Variants in TBC1D14 observed in about 807,000 individuals in gnomAD.
TBC1D14 encodes the protein TBC1 domain family, member 14.
TBC1D14 carries 26 observed loss-of-function variants against 79.0 expected under a neutral mutation model. The ratio of observed to expected loss-of-function variants is 0.33; its 90% CI spans 0.24 to 0.46. The LOEUF (loss-of-function observed/expected upper bound fraction) is 0.46, where lower values mean the gene tolerates loss of function less well. Ranked by LOEUF, TBC1D14 falls within the 20% of genes least tolerant of loss-of-function variation. The pLI is 1.00. For missense variants in TBC1D14, 769 were observed against 887.6 expected (o/e 0.87, Z 1.70); for synonymous variants, 394 against 349.9 (o/e 1.13, Z -1.40).
At chr4:6,988,663 C>T (rs1418721331) in intron 3 of TBC1D14, among the ~76,000 whole-genome samples, 1 of 152,126 alleles carries the variant, frequency 6.6e-6, no homozygotes. Context: ...ACAGCGGGGT[C>T]GGAGATTTAA....
At chr4:7,028,117 G>A (rs1034591134) in intron 13 of TBC1D14, among the ~76,000 whole-genome samples, 4 of 142,806 alleles carry the variant, frequency 2.8e-5, no homozygotes, top group Admixed American at 1.4e-4. Flanking sequence ...CCACACACAC[G>A]TCACCCCACA....
intron 2 of TBC1D14, among the ~76,000 whole-genome samples, chr4:6,926,774 A>G (rs1037908276): frequency 6.6e-6 from 1 of 152,196 alleles, no homozygotes; most frequent in Non-Finnish European, 1.5e-5. Flanking sequence ...ATGTTCATCA[A>G]TTCAGCCCAG....
chr4:6,967,322 A>T lies in TBC1D14; in HGVS notation c.741A>T (p.Lys247Asn). 1 of 1,613,956 alleles carries T rather than the reference A, an allele frequency of 6.2e-7. No homozygotes were observed. Among genetic ancestry groups the T allele is most frequent in the Non-Finnish European group, 8.5e-7 (1 of 1,179,990 alleles). ...NFFARNLLAR[K>N]QSARLDKHND... ...CCTATAGGAACTTGCTTGCTAGAAA[A>T]CAAAGTGCAAGGCTTGACAAACACA... is the stretch of plus-strand genomic sequence containing the variant. The change falls in exon 3 of 14, where the codon AAA becomes AAT. Residue 247 changes from lysine to asparagine, a missense_variant. Lys to Asn is a moderately conservative substitution (Grantham distance 94). Around this residue, in one of 2 missense-constraint regions of TBC1D14, gnomAD observed 402 missense variants for 393.2 expected, o/e 1.02. Coordinates refer to ENST00000409757, the MANE Select transcript of TBC1D14 (RefSeq NM_020773.3).
At chr4:6,980,075 C>G (rs1196413534) in intron 3 of TBC1D14, among the ~76,000 whole-genome samples, 2 of 152,190 alleles carry the variant, frequency 1.3e-5, no homozygotes, top group Admixed American at 1.3e-4. Flanking sequence ...TTATAGAACA[C>G]AGCACCCTCC....
chr4:6,975,961 C>T (rs534828500), intron 3 of TBC1D14, among the ~76,000 whole-genome samples: 3 of 152,152 alleles, frequency 2.0e-5, no homozygotes, highest in Non-Finnish European at 4.4e-5. Context: ...GGTGTGGTGG[C>T]AGGTGCCTGT....
intron 3 of TBC1D14, among the ~76,000 whole-genome samples, chr4:6,985,705 T>A (rs1717757858): frequency 1.0e-4 from 1 of 9,790 alleles, no homozygotes; most frequent in Non-Finnish European, 2.6e-3. Context: ...AGGGACAGTG[T>A]CCTAGATAAT....
chr4:6,973,979 A>G (rs963855012), intron 3 of TBC1D14, among the ~76,000 whole-genome samples: 1 of 151,272 alleles, frequency 6.6e-6, no homozygotes. Flanking sequence ...GTGCACCACC[A>G]CCCCCGGCTC....
intron 2 of TBC1D14, among the ~76,000 whole-genome samples, chr4:6,936,156 T>C (rs1712303159): frequency 6.6e-6 from 1 of 152,162 alleles, no homozygotes; most frequent in Non-Finnish European, 1.5e-5. Context: ...GGCTGACACA[T>C]CATTATCACC....
chr4:6,954,209 C>T (rs995901439), intron 2 of TBC1D14: 1 of 704,658 alleles, frequency 1.4e-6, no homozygotes, highest in Non-Finnish European at 2.6e-6. Context: ...GGAGTTTCCC[C>T]GGGACTGTGG....
At chr4:6,981,313 C>G (rs67702333) in intron 3 of TBC1D14, among the ~76,000 whole-genome samples, 17,502 of 152,196 alleles carry the variant, frequency 0.11, 1,531 homozygotes, top group African/African-American at 0.24. Context: ...GTGTGAGGTA[C>G]TGCACCAGCC....
chr4:6,989,251 C>T (rs1393729730), intron 3 of TBC1D14, among the ~76,000 whole-genome samples: 1 of 152,138 alleles, frequency 6.6e-6, no homozygotes, highest in African/African-American at 2.4e-5. Flanking sequence ...GCTCCCCATA[C>T]CTCATAGTCT....
At chr4:6,956,435 G>C (rs1373210599) in intron 2 of TBC1D14, among the ~76,000 whole-genome samples, 1 of 152,244 alleles carries the variant, frequency 6.6e-6, no homozygotes, top group East Asian at 1.9e-4. Flanking sequence ...ACACGGCGTA[G>C]ACAGAAAACA....
In TBC1D14 at chr4:6,923,447, G is replaced by C. The variant is rs1047692478; in HGVS notation, c.58G>C (p.Asp20His). The C allele has an allele frequency of 6.2e-7, 1 of 1,613,996 alleles. No homozygotes were observed. Among genetic ancestry groups the C allele is most frequent in the African/African-American group, 1.3e-5 (1 of 74,916 alleles). ...TNGVAFMGIL[D>H]GRPGNPLQNL... The stretch of plus-strand genomic sequence containing the variant: ...TGGCGTAGCCTTCATGGGTATTCTG[G>C]ATGGTCGACCAGGAAACCCCCTTCA... Residue 20 changes from aspartate to histidine, a missense_variant, in exon 2 of 14, where the codon GAT becomes CAT. By Grantham distance (81) the Asp-to-His change is moderately conservative. Transcript: ENST00000409757.
chr4:7,021,015 T>G lies in TBC1D14; in HGVS notation c.1758-3989T>G, dbSNP rs534935775. The stretch of plus-strand genomic sequence containing the variant: ...GTTGTGTGCAGCCCGGGGCCCTGAT[T>G]AGTAGACAGGGCAGAGGCCAGTTCT... On this transcript the variant is annotated intron_variant, in intron 12 of 13. Transcript: ENST00000409757. Among the ~76,000 whole-genome samples, 29 of 152,346 alleles carry G rather than the reference T, an allele frequency of 1.9e-4. 2 individuals carry two copies. The South Asian group carries it at 6.0e-3, about 32-fold the overall frequency.
chr4:7,024,923 A>T, intron 12 of TBC1D14, 81 bp from the exon 13 acceptor site: 1 of 1,566,582 alleles, frequency 6.4e-7, no homozygotes, highest in South Asian at 1.2e-5. Context: ...AGTGTTTTTC[A>T]TGGAATCAGA....
At chr4:6,919,248 G>C (rs992113300) in intron 1 of TBC1D14, among the ~76,000 whole-genome samples, 1 of 151,980 alleles carries the variant, frequency 6.6e-6, no homozygotes, top group Non-Finnish European at 1.5e-5. Context: ...CCGGGTTCAA[G>C]CTATTCTCCT....
intron 13 of TBC1D14, among the ~76,000 whole-genome samples, chr4:7,028,720 T>C (rs4689579): frequency 0.89 from 135,220 of 152,246 alleles, 60,307 homozygotes; most frequent in East Asian, 0.98. Flanking sequence ...CCACCACACC[T>C]GGTCCAGGCA....
intron 2 of TBC1D14, among the ~76,000 whole-genome samples, chr4:6,944,034 T>G (rs199788965): frequency 7.3e-6 from 1 of 136,056 alleles, no homozygotes. Context: ...CTGCCGGGGG[T>G]TTGGGTTTTT....
At chr4:6,958,640 G>T (rs1714892896) in intron 2 of TBC1D14, among the ~76,000 whole-genome samples, 1 of 152,054 alleles carries the variant, frequency 6.6e-6, no homozygotes, top group Admixed American at 6.5e-5. Context: ...TTACTATGTT[G>T]CCCAGGCTAT....
Sources: allele counts gnomAD v4.1 joint callset (sites outside exome capture counted in the v4.1 genomes callset), GRCh38; gene constraint gnomAD v4.1.1; regional missense constraint gnomAD v4.1.1; transcripts MANE v1.5; gene names NCBI Gene and HGNC (gene_info 2026-07-23, HGNC 2026-07-21).